Variants in PDZRN4 observed in about 807,000 individuals in gnomAD.
PDZRN4 encodes PDZ domain-containing RING finger protein 4.
PDZRN4 carries 70 observed loss-of-function variants against 99.0 expected under a neutral mutation model. The ratio of observed to expected loss-of-function variants is 0.71; its 90% CI spans 0.58 to 0.86. PDZRN4 has a LOEUF of 0.86. PDZRN4 is among the 40% of genes least tolerant of loss of function. PDZRN4 has a pLI of 0.00. For missense variants in PDZRN4, 1,474 were observed against 1,331.2 expected (o/e 1.11, Z -1.67); for synonymous variants, 551 against 501.6 (o/e 1.10, Z -1.32).
At chr12:41,474,442 T>C (rs1565592517) in intron 3 of PDZRN4, among the ~76,000 whole-genome samples, 1 of 152,236 alleles carries the variant, frequency 6.6e-6, no homozygotes, top group Non-Finnish European at 1.5e-5. Flanking sequence ...GAGTGTGCTA[T>C]TATTATTCTC....
chr12:41,504,951 T>A (rs1448014348), intron 3 of PDZRN4, among the ~76,000 whole-genome samples: 1 of 152,182 alleles, frequency 6.6e-6, no homozygotes. Flanking sequence ...TGCTCATTTT[T>A]TGAAGGCACA....
intron 3 of PDZRN4, chr12:41,459,988 G>A: frequency 7.8e-7 from 1 of 1,288,100 alleles, no homozygotes; most frequent in Non-Finnish European, 1.0e-6. Flanking sequence ...GCATGAAATT[G>A]AGAAATTGCC....
chr12:41,451,248 T>C (rs1406744662), intron 3 of PDZRN4, among the ~76,000 whole-genome samples: 3 of 152,126 alleles, frequency 2.0e-5, no homozygotes, highest in Non-Finnish European at 4.4e-5. Context: ...TCTTTTTCAT[T>C]TCTACCTTCT....
At chr12:41,419,516 T>C (rs1200440378) in intron 3 of PDZRN4, among the ~76,000 whole-genome samples, 1 of 152,058 alleles carries the variant, frequency 6.6e-6, no homozygotes, top group East Asian at 1.9e-4. Flanking sequence ...CAAAGCCAGG[T>C]TGGTTGTGGT....
intron 5 of PDZRN4, among the ~76,000 whole-genome samples, chr12:41,516,501 G>C (rs1938403003): frequency 6.6e-6 from 1 of 152,062 alleles, no homozygotes; most frequent in South Asian, 2.1e-4. Flanking sequence ...TTTTTCATAG[G>C]ATATCAATTT....
chr12:41,214,869 G>C (rs543486510), intron 3 of PDZRN4, among the ~76,000 whole-genome samples: 9 of 151,986 alleles, frequency 5.9e-5, no homozygotes, highest in Non-Finnish European at 1.0e-4. Context: ...GCTATATAAT[G>C]TATCTGTTTG....
At position 41,188,776 on chromosome 12, in the gene PDZRN4, C is replaced by T. The variant is rs1251932762; in HGVS notation, c.321C>T (p.Gly107=). The change falls in exon 1 of 10, where the codon GGC becomes GGT. Residue 107 remains glycine, a synonymous_variant. Coordinates refer to ENST00000402685, the MANE Select transcript of PDZRN4 (RefSeq NM_001164595.2). ...LEAHVEHCDF[G]PARRLRSRGG... The stretch of plus-strand genomic sequence containing the variant: ...CGCACGTCGAGCACTGCGACTTCGG[C>T]CCTGCCCGCCGGCTCCGCAGCCGCG... 7.2e-7 allele frequency: 1 copy of T among 1,393,600 alleles called. No homozygotes were observed. Among genetic ancestry groups the T allele is most frequent in the Non-Finnish European group, 9.2e-7 (1 of 1,081,674 alleles). 86.3% of individuals were successfully genotyped at this position (1,393,600 alleles called of 1,614,324 possible). A position where few individuals can be genotyped will look rare whatever the true frequency, so the allele number is the denominator to read the frequency against.
intron 3 of PDZRN4, among the ~76,000 whole-genome samples, chr12:41,334,273 G>A (rs1452523061): frequency 6.6e-6 from 1 of 151,222 alleles, no homozygotes; most frequent in African/African-American, 2.4e-5. Flanking sequence ...AGATCTTTTT[G>A]GTGTTTTTGT....
intron 5 of PDZRN4, among the ~76,000 whole-genome samples, chr12:41,535,252 G>A (rs1592101149): frequency 6.6e-6 from 1 of 152,074 alleles, no homozygotes; most frequent in Non-Finnish European, 1.5e-5. Flanking sequence ...GTTTCTTTGT[G>A]TATTTTGTGA....
At chr12:41,344,739 T>C (rs1465587552) in intron 3 of PDZRN4, among the ~76,000 whole-genome samples, 1 of 148,548 alleles carries the variant, frequency 6.7e-6, no homozygotes, top group Non-Finnish European at 1.5e-5. Context: ...TGATGTAAGA[T>C]ATATATATCA....
chr12:41,272,953 CA>C lies in PDZRN4; in HGVS notation c.843+78769del, dbSNP rs555188742. On this transcript the variant is annotated intron_variant, in intron 3 of 9. Transcript: ENST00000402685. ...GAAGTCACATTGAAGTCCTAATAAT[CA>C]AAATATTTAGGAGGAAATTGAATTC... 3.4e-4 allele frequency among the ~76,000 whole-genome samples: 52 copies of C among 152,024 alleles called. No homozygotes were observed. The South Asian group carries it at 7.3e-3, about 21-fold the overall frequency.
intron 3 of PDZRN4, among the ~76,000 whole-genome samples, chr12:41,457,495 A>G (rs1952826135): frequency 6.6e-6 from 1 of 152,168 alleles, no homozygotes; most frequent in African/African-American, 2.4e-5. Flanking sequence ...ATTTTTTTGA[A>G]GCTTCATAAC....
At chr12:41,328,347 C>A (rs1951722668) in intron 3 of PDZRN4, among the ~76,000 whole-genome samples, 1 of 151,880 alleles carries the variant, frequency 6.6e-6, no homozygotes, top group Non-Finnish European at 1.5e-5. Flanking sequence ...CATAGCCAGA[C>A]CCCAACTCTA....
chr12:41,353,894 C>T (rs930148026), intron 3 of PDZRN4, among the ~76,000 whole-genome samples: 1 of 151,984 alleles, frequency 6.6e-6, no homozygotes, highest in African/African-American at 2.4e-5. Context: ...TCATATCAGC[C>T]TAAGGAGTTT....
intron 3 of PDZRN4, among the ~76,000 whole-genome samples, chr12:41,394,715 A>C (rs536169643): frequency 1.3e-5 from 2 of 152,146 alleles, no homozygotes; most frequent in East Asian, 3.9e-4. Flanking sequence ...CTTGCCATGC[A>C]TGCACCATCA....
chr12:41,340,383 T>G (rs1024497909), intron 3 of PDZRN4, among the ~76,000 whole-genome samples: 2 of 151,750 alleles, frequency 1.3e-5, no homozygotes, highest in African/African-American at 2.4e-5. Flanking sequence ...CTAAAAGCAA[T>G]TGAACTTATG....
At position 41,335,549 on chromosome 12, in the gene PDZRN4, G is replaced by A. The variant is rs117702074; in HGVS notation, c.843+141361G>A. The stretch of plus-strand genomic sequence containing the variant: ...GACCTGATTTGCTTTGTTGTTGAAG[G>A]AAGGTATTGAAGATATTAAGATATG... On this transcript the variant is annotated intron_variant, in intron 3 of 9. Coordinates refer to ENST00000402685, the MANE Select transcript of PDZRN4 (RefSeq NM_001164595.2). Among the ~76,000 whole-genome samples the A allele has an allele frequency of 7.6e-3, 1,149 of 152,150 alleles. 4 individuals carry two copies. The highest frequency in any genetic ancestry group is 0.012 in the Non-Finnish European group (836 of 67,978).
intron 3 of PDZRN4, among the ~76,000 whole-genome samples, chr12:41,349,462 TC>T (rs1158294484): frequency 7.0e-6 from 1 of 143,746 alleles, no homozygotes; most frequent in Non-Finnish European, 1.5e-5. Flanking sequence ...TTTATTTTTA[TC>T]TGTATACTTT....
intron 3 of PDZRN4, among the ~76,000 whole-genome samples, chr12:41,322,269 C>T (rs149760484): frequency 8.9e-4 from 135 of 151,900 alleles, no homozygotes; most frequent in African/African-American, 2.9e-3. Flanking sequence ...GACCTCAATC[C>T]GTCCACCTCG....
Sources: gnomAD v4.1 joint callset for allele counts (sites outside exome capture counted in the v4.1 genomes callset) on GRCh38, gnomAD v4.1.1 for gene constraint, MANE v1.5 for transcripts, NCBI Gene and HGNC (gene_info 2026-07-23, HGNC 2026-07-21) for gene names.